The following SF3B3 variants were observed in gnomAD, a reference collection of about 807,000 sequenced individuals.
SF3B3 encodes the protein SAP 130.
In SF3B3, 33 loss-of-function variants were observed where a neutral mutation model predicts 139.2. The ratio of observed to expected loss-of-function variants is 0.24; its 90% CI spans 0.18 to 0.32. The LOEUF is 0.32. SF3B3 is among the 10% of genes least tolerant of loss of function. SF3B3 has a pLI of 1.00. For missense variants in SF3B3, 818 were observed against 1,509.4 expected (o/e 0.54, Z 7.59); for synonymous variants, 596 against 563.6 (o/e 1.06, Z -0.81).
rs759266541 is a variant in SF3B3 at position 70,565,106 on chromosome 16, C to T, written c.2505C>T (p.Ala835=). 9.3e-6 allele frequency: 15 copies of T among 1,613,796 alleles called. No homozygotes were observed. The highest frequency in any genetic ancestry group is 4.0e-5 in the African/African-American group (3 of 74,886). Reference sequence around the variant, plus strand: ...CAGGGGAGGATGAGCGGGAGCTGGCCGCAGAGATGGCAGCAGCATTCCTCA... The same window carrying T: ...CAGGGGAGGATGAGCGGGAGCTGGCTGCAGAGATGGCAGCAGCATTCCTCA... The part of the protein sequence containing the change: ...EAAGEDEREL[A]AEMAAAFLNE... Residue 835 remains alanine (A), a synonymous_variant, in exon 19 of 26, where the codon GCC becomes GCT. Transcript: ENST00000302516.
intron 14 of SF3B3, 119 bp from the exon 15 acceptor site, chr16:70,556,767 C>T (rs981638101): frequency 1.9e-5 from 21 of 1,089,008 alleles, no homozygotes; most frequent in South Asian, 2.8e-5. Flanking sequence ...ACTCACTCCC[C>T]GGGTTTTTTC....
intron 2 of SF3B3, among the ~76,000 whole-genome samples, chr16:70,528,464 CTTTTTTTTTTT>C (rs71387528): frequency 3.8e-5 from 4 of 103,934 alleles, no homozygotes; most frequent in Non-Finnish European, 7.3e-5. Flanking sequence ...TGTGCGTGGC[CTTTTTTTTTTT>C]TTTTTTTTTT....
At chr16:70,537,466 A>G (rs1024744379) in intron 6 of SF3B3, among the ~76,000 whole-genome samples, 3 of 152,260 alleles carry the variant, frequency 2.0e-5, no homozygotes, top group Non-Finnish European at 4.4e-5. Context: ...GATTCTTTGA[A>G]TCATTTACTG....
chr16:70,571,022 T>A, intron 24 of SF3B3, 73 bp from the exon 25 acceptor site: 1 of 967,764 alleles, frequency 1.0e-6, no homozygotes, highest in Admixed American at 1.8e-5. Context: ...GCTTGTCTGT[T>A]CGTTGTGCTT....
chr16:70,556,852 T>C, intron 14 of SF3B3, 34 bp from the exon 15 acceptor site: 4 of 1,613,022 alleles, frequency 2.5e-6, no homozygotes, highest in Non-Finnish European at 3.4e-6. Context: ...AATTGTCATT[T>C]TCTGTGTTTT....
At chr16:70,556,760 C>A in intron 14 of SF3B3, 126 bp from the exon 15 acceptor site, 1 of 991,590 alleles carries the variant, frequency 1.0e-6, no homozygotes, top group Non-Finnish European at 1.5e-6. Flanking sequence ...TCTTAGAACT[C>A]ACTCCCCGGG....
At chr16:70,547,077 A>G (rs1486326214) in intron 10 of SF3B3, among the ~76,000 whole-genome samples, 2 of 152,112 alleles carry the variant, frequency 1.3e-5, no homozygotes, top group African/African-American at 4.8e-5. Context: ...TTATTCCTTT[A>G]TGTCTATTTG....
intron 20 of SF3B3, among the ~76,000 whole-genome samples, chr16:70,567,043 C>A (rs2050483558): frequency 6.7e-6 from 1 of 148,348 alleles, no homozygotes; most frequent in South Asian, 2.1e-4. Context: ...AGTAGTGAGA[C>A]CCTGTCTCAA....
chr16:70,524,083 AC>A, intron 1 of SF3B3, 155 bp downstream of exon 1: 1 of 390,166 alleles, frequency 2.6e-6, no homozygotes, highest in Non-Finnish European at 4.5e-6. Context: ...AGGCGCCAAA[AC>A]GGCTTCCTGC....
chr16:70,544,370 A>C, intron 9 of SF3B3, 68 bp from the exon 10 acceptor site: 4 of 858,772 alleles, frequency 4.7e-6, no homozygotes, highest in Non-Finnish European at 7.9e-6. Context: ...CTGGGATACT[A>C]GAGAATCAGA....
chr16:70,553,620 C>T (rs1338436720), intron 11 of SF3B3, among the ~76,000 whole-genome samples: 1 of 152,156 alleles, frequency 6.6e-6, no homozygotes, highest in Non-Finnish European at 1.5e-5. Flanking sequence ...TGGATGGGGA[C>T]ACTTGCAGAA....
rs1158119451 is a variant in SF3B3, at chr16:70,572,320, C to A, written c.*507C>A. On this transcript the variant is annotated 3_prime_UTR_variant, in exon 26 of 26. Transcript: ENST00000302516. ...GTGACTGGCATCCATGTGTCTTGTT[C>A]TGGAGATGAGGATGTAGGTGGGAGG... 8 of 297,968 alleles carry A rather than the reference C, an allele frequency of 2.7e-5. No individual in the cohort carries two copies. Among genetic ancestry groups the A allele is most frequent in the Non-Finnish European group, 2.0e-5 (3 of 150,976 alleles). 18.5% of individuals were successfully genotyped at this position (297,968 alleles called of 1,614,324 possible). A position where few individuals can be genotyped will look rare whatever the true frequency, so the allele number is the denominator to read the frequency against.
rs1289451451 is a variant in SF3B3, at chr16:70,572,022, C to G, written c.*209C>G. 5 of 683,386 alleles carry G rather than the reference C, an allele frequency of 7.3e-6. No individual in the cohort carries two copies. The African/African-American group carries it at 8.9e-5, about 12-fold the overall frequency. 42.3% of individuals were successfully genotyped at this position (683,386 alleles called of 1,614,324 possible). On this transcript the variant is annotated 3_prime_UTR_variant, in exon 26 of 26. Transcript: ENST00000302516. ...CACTGAGATTTGCTACACTTCTCCC[C>G]ACCTGGTACATGATACATGACCCCA...
rs925672385 is a variant in SF3B3 at position 70,548,267 on chromosome 16, C to T, written c.1330-103C>T. ...GGTTTCATCCTTTAAATACAGCATA[C>T]GTTGTGAACCCTGCCTTTGAGACCT... On this transcript the variant is annotated intron_variant, in intron 10 of 25. Transcript: ENST00000302516. 1.9e-5 allele frequency: 17 copies of T among 904,948 alleles called. No individual in the cohort carries two copies. In the Admixed American group the frequency reaches 2.3e-4, roughly 12 times the overall value. The allele number at this position is 904,948 out of a possible 1,614,324, so 56.1% of individuals were successfully genotyped here.
At chr16:70,563,441 T>G (rs2050447861) in intron 17 of SF3B3, among the ~76,000 whole-genome samples, 1 of 152,234 alleles carries the variant, frequency 6.6e-6, no homozygotes, top group Admixed American at 6.5e-5. Context: ...TTGCTGTCTC[T>G]TGCATTGTCA....
In SF3B3 at chr16:70,573,375, C is replaced by G. The variant is rs1027496587; in HGVS notation, c.*1562C>G. On this transcript the variant is annotated 3_prime_UTR_variant, in exon 26 of 26. Coordinates refer to ENST00000302516, the MANE Select transcript of SF3B3 (RefSeq NM_012426.5). Reference sequence around the variant, plus strand: ...ACTCAGCGTAGATACTTGAGCAGCTCCTCGCCTCTTTTCTAACTCAAGTTT... The same window carrying G: ...ACTCAGCGTAGATACTTGAGCAGCTGCTCGCCTCTTTTCTAACTCAAGTTT... 6.6e-6 allele frequency: 1 copy of G among 152,150 alleles called. No individual in the cohort carries two copies. Among genetic ancestry groups the G allele is most frequent in the African/African-American group, 2.4e-5 (1 of 41,434 alleles). The allele number at this position is 152,150 out of a possible 1,614,324, so 9.4% of individuals were successfully genotyped here.
intron 4 of SF3B3, among the ~76,000 whole-genome samples, 168 bp from the exon 5 acceptor site, chr16:70,532,311 C>G (rs1457608542): frequency 7.2e-6 from 1 of 138,694 alleles, no homozygotes; most frequent in East Asian, 2.1e-4. Context: ...AAAGATCATA[C>G]CTCTGTGCAC....
At position 70,535,354 on chromosome 16, in the gene SF3B3, A is replaced by G. The variant is rs2050156578; in HGVS notation, c.759A>G (p.Glu253=). 1 of 1,612,250 alleles carries G rather than the reference A, an allele frequency of 6.2e-7. No individual in the cohort carries two copies. The highest frequency in any genetic ancestry group is 8.5e-7 in the Non-Finnish European group (1 of 1,178,978). ...DGPSGVLICS[E]NYITYKNFGD... The stretch of plus-strand genomic sequence containing the variant: ...CAAGTGGAGTACTGATCTGCTCTGA[A>G]AACTATATTACTTACAAGAACTTTG... Residue 253 remains glutamate (E), a synonymous_variant, in exon 6 of 26, where the codon GAA becomes GAG. Transcript: ENST00000302516.
At chr16:70,549,220 A>G (rs1208966654) in intron 11 of SF3B3, among the ~76,000 whole-genome samples, 1 of 152,250 alleles carries the variant, frequency 6.6e-6, no homozygotes, top group Non-Finnish European at 1.5e-5. Context: ...TCAAGAAAAC[A>G]GCTGTAATTC....
Sources: allele counts gnomAD v4.1 joint callset (sites outside exome capture counted in the v4.1 genomes callset), GRCh38; gene constraint gnomAD v4.1.1; transcripts MANE v1.5; gene names NCBI Gene and HGNC (gene_info 2026-07-23, HGNC 2026-07-21).